The following SLC5A5 variants were observed in gnomAD, a reference collection of about 807,000 sequenced individuals.
SLC5A5 encodes sodium/iodide cotransporter.
Under a neutral mutation model 68.6 loss-of-function variants are expected in SLC5A5, and 56 were observed. The observed-to-expected ratio is 0.82, with a 90% CI of 0.66 to 1.02. The LOEUF (loss-of-function observed/expected upper bound fraction) is 1.02. Among genes scored for constraint, SLC5A5 ranks in the 50% least tolerant of loss-of-function variants. SLC5A5 has a pLI of 0.00. For missense variants in SLC5A5, 807 were observed against 859.8 expected, an observed-to-expected ratio of 0.94 and a Z score of 0.77; for synonymous variants, 398 against 373.0, an observed-to-expected ratio of 1.07 and a Z score of -0.77.
chr19:17,889,114 C>T lies in SLC5A5; in HGVS notation c.1651+659C>T, dbSNP rs565538478. The stretch of plus-strand genomic sequence containing the variant: ...ATAGTTTCTTTTAAAGGGACGGGGT[C>T]GACTGGGCGTAGTGGCTCATGCCTG... On this transcript the variant is annotated intron_variant, in intron 13 of 14. Transcript: ENST00000222248. Among the ~76,000 whole-genome samples the T allele has an allele frequency of 8.9e-4, 135 of 151,536 alleles. 1 individual carries two copies. The highest frequency in any genetic ancestry group is 1.6e-3 in the Admixed American group (24 of 15,178).
intron 12 of SLC5A5, among the ~76,000 whole-genome samples, chr19:17,885,949 C>G (rs1311154819): frequency 6.6e-6 from 1 of 152,108 alleles, no homozygotes; most frequent in African/African-American, 2.4e-5. Flanking sequence ...CAACCTCTGC[C>G]TCCCAGGTTC....
chr19:17,886,477 T>C (rs2029924867), intron 12 of SLC5A5, among the ~76,000 whole-genome samples: 1 of 152,058 alleles, frequency 6.6e-6, no homozygotes, highest in South Asian at 2.1e-4. Flanking sequence ...CTGGCTAATT[T>C]TTATATTTTT....
intron 7 of SLC5A5, among the ~76,000 whole-genome samples, chr19:17,880,249 C>G (rs2094317624): frequency 6.8e-6 from 1 of 147,028 alleles, no homozygotes; most frequent in South Asian, 2.1e-4. Context: ...GAGTTTGGCT[C>G]TGTTGTGCAG....
rs2094311583 is a variant in SLC5A5, at chr19:17,877,984, T to C, written c.860T>C (p.Val287Ala). 6.2e-7 allele frequency: 1 copy of C among 1,613,390 alleles called. No homozygotes were observed. Among genetic ancestry groups the C allele is most frequent in the Non-Finnish European group, 8.5e-7 (1 of 1,180,022 alleles). The change falls in exon 7 of 15, where the codon GTC (valine) becomes GCC (alanine). Residue 287 changes from valine (V) to alanine (A), a missense_variant. Physicochemically the swap from Val to Ala is moderately conservative, Grantham distance 64. Transcript: ENST00000222248. Reference protein sequence around the residue: ...QAKLALLINQVGLFLIVSSAA... With the variant: ...QAKLALLINQAGLFLIVSSAA... ...CCCAGGGCCCTGCTCATCAACCAGG[T>C]CGGCCTGTTCCTGATCGTGTCCAGC...
chr19:17,878,227 C>A, intron 7 of SLC5A5, 134 bp downstream of exon 7: 2 of 1,086,416 alleles, frequency 1.8e-6, no homozygotes, highest in Non-Finnish European at 2.7e-6. Flanking sequence ...GAGAGGAGGC[C>A]AGGTGCGGCG....
At chr19:17,893,368 G>C (rs2030274399) in intron 14 of SLC5A5, among the ~76,000 whole-genome samples, 1 of 152,072 alleles carries the variant, frequency 6.6e-6, no homozygotes, top group African/African-American at 2.4e-5. Context: ...CTCCCAAAGT[G>C]CTAGGATTAC....
At chr19:17,882,313 T>A in intron 10 of SLC5A5, 94 bp downstream of exon 10, 2 of 973,896 alleles carry the variant, frequency 2.1e-6, no homozygotes, top group Non-Finnish European at 3.2e-6. Context: ...AGGTCACATG[T>A]GTCAGTGGCA....
rs1407929556 is a variant in SLC5A5, at chr19:17,874,599, G to A, written c.475+54G>A. 5 of 1,612,536 alleles carry A rather than the reference G, an allele frequency of 3.1e-6. No homozygotes were observed. The Admixed American group carries it at 6.7e-5, about 22-fold the overall frequency. ...GTCTGGGAAGAGAAAGGGAGGGAGA[G>A]GAGAACCCAAGACTAAGTTTGCGCC... On this transcript the variant is annotated intron_variant, in intron 3 of 14. Coordinates refer to ENST00000222248, the MANE Select transcript of SLC5A5 (RefSeq NM_000453.3).
At chr19:17,874,471 C>T in intron 2 of SLC5A5, 23 bp from the exon 3 acceptor site, 1 of 1,613,684 alleles carries the variant, frequency 6.2e-7, no homozygotes, top group Non-Finnish European at 8.5e-7. Context: ...TCCCTGCTCA[C>T]CCGCCCCACA....
chr19:17,890,995 G>C lies in SLC5A5; in HGVS notation c.1761G>C (p.Leu587Phe), dbSNP rs776880619. Residue 587 changes from leucine to phenylalanine, a missense_variant, in exon 14 of 15, where the codon TTG becomes TTC. Physicochemically the swap from Leu to Phe is conservative, Grantham distance 22 (BLOSUM62 0). Coordinates refer to ENST00000222248, the MANE Select transcript of SLC5A5 (RefSeq NM_000453.3). The part of the protein sequence containing the change: ...KEEVAILDDN[L>F]VKGPEELPTG... ...AAGTGGCCATCCTGGATGACAACTT[G>C]GTCAAGGTCAGTCTTAGGCTGGGTT... The C allele has an allele frequency of 1.2e-6, 2 of 1,605,676 alleles. No individual in the cohort carries two copies. Among genetic ancestry groups the C allele is most frequent in the Non-Finnish European group, 1.7e-6 (2 of 1,172,286 alleles).
intron 7 of SLC5A5, among the ~76,000 whole-genome samples, chr19:17,878,429 C>T (rs1463225807): frequency 6.6e-6 from 1 of 151,884 alleles, no homozygotes; most frequent in African/African-American, 2.4e-5. Flanking sequence ...CTCTTGAACC[C>T]GGGAGGCGGA....
intron 8 of SLC5A5, 51 bp downstream of exon 8, chr19:17,881,004 C>T (rs1568422287): frequency 1.5e-6 from 2 of 1,370,836 alleles, no homozygotes; most frequent in Non-Finnish European, 1.0e-6. Context: ...CTGGGAGCCT[C>T]CTTATCCTGG....
At chr19:17,877,338 C>G (rs1364711944) in intron 5 of SLC5A5, among the ~76,000 whole-genome samples, 4 of 148,300 alleles carry the variant, frequency 2.7e-5, no homozygotes, top group Non-Finnish European at 5.9e-5. Context: ...GAGATGGAGT[C>G]TCGCTCTGTC....
At position 17,893,973 on chromosome 19, in the gene SLC5A5, G is replaced by A; in HGVS notation, c.*96G>A. ...CCATGGCCTTGGGCTCTGATTGGCT[G>A]GATTGCCTTGTATGCAAATGAGTTC... On this transcript the variant is annotated 3_prime_UTR_variant, in exon 15 of 15. Coordinates refer to ENST00000222248, the MANE Select transcript of SLC5A5 (RefSeq NM_000453.3). 1 of 1,225,462 alleles carries A rather than the reference G, an allele frequency of 8.2e-7. No homozygotes were observed. 75.9% of individuals were successfully genotyped at this position (1,225,462 alleles called of 1,614,324 possible). A position where few individuals can be genotyped will look rare whatever the true frequency, so the allele number is the denominator to read the frequency against.
In SLC5A5 at chr19:17,877,743, G is replaced by C; in HGVS notation, c.719G>C (p.Ser240Thr). The C allele has an allele frequency of 6.2e-7, 1 of 1,614,220 alleles. No homozygotes were observed. The highest frequency in any genetic ancestry group is 1.1e-5 in the South Asian group (1 of 91,084). ...CCCAGCTTTAACCCTGACCCGAGGA[G>C]CCGCTATACATTCTGGACTTTTGTG... ...NLMDFNPDPR[S>T]RYTFWTFVVG... Residue 240 changes from serine (S) to threonine (T), a missense_variant, in exon 6 of 15, where the codon AGC becomes ACC. Transcript: ENST00000222248.
chr19:17,875,864 G>C (rs1051740122), intron 4 of SLC5A5, 88 bp from the exon 5 acceptor site: 8 of 1,174,922 alleles, frequency 6.8e-6, no homozygotes, highest in Non-Finnish European at 1.0e-5. Context: ...AGGAGACTGA[G>C]GCATAGAAGG....
chr19:17,874,776 C>CAAGAGACACAG, intron 4 of SLC5A5, 45 bp downstream of exon 4: 1 of 1,586,238 alleles, frequency 6.3e-7, no homozygotes, highest in Non-Finnish European at 8.7e-7. Context: ...ATCGGGCCCA[C>CAAGAGACACAG]TGTGTCTCTT....
In SLC5A5 at chr19:17,877,796, A is replaced by T; in HGVS notation, c.772A>T (p.Met258Leu). ...VVGGTLVWLS[M>L]YGVNQAQVQR... ...GGGTGGCACGTTGGTGTGGCTCTCC[A>T]TGTATGGCGTGAACCAGGCGCAGGT... Residue 258 changes from methionine (M) to leucine (L), a missense_variant, in exon 6 of 15, where the codon ATG (methionine) becomes TTG (leucine). By Grantham distance (15) the Met-to-Leu change is conservative. Coordinates refer to ENST00000222248, the MANE Select transcript of SLC5A5 (RefSeq NM_000453.3). The T allele has an allele frequency of 6.2e-7, 1 of 1,614,196 alleles. No individual in the cohort carries two copies. Among genetic ancestry groups the T allele is most frequent in the Non-Finnish European group, 8.5e-7 (1 of 1,180,028 alleles).
chr19:17,894,109 C>A lies in SLC5A5; in HGVS notation c.*232C>A. Reference sequence around the variant, plus strand: ...GTATTAGACGCTGCAGCCCTGACGGCTCCCCCCAAATAAGGCTGGGTTTTT... The same window carrying A: ...GTATTAGACGCTGCAGCCCTGACGGATCCCCCCAAATAAGGCTGGGTTTTT... On this transcript the variant is annotated 3_prime_UTR_variant, in exon 15 of 15. Transcript: ENST00000222248. 1.9e-6 allele frequency: 1 copy of A among 520,712 alleles called. No individual in the cohort carries two copies. Among genetic ancestry groups the A allele is most frequent in the Non-Finnish European group, 3.4e-6 (1 of 292,500 alleles). 32.3% of individuals were successfully genotyped at this position (520,712 alleles called of 1,614,324 possible).
Sources: allele counts gnomAD v4.1 joint callset (sites outside exome capture counted in the v4.1 genomes callset), GRCh38; gene constraint gnomAD v4.1.1; transcripts MANE v1.5; gene names NCBI Gene and HGNC (gene_info 2026-07-23, HGNC 2026-07-21).